Variants in GMDS observed in about 807,000 individuals in gnomAD.
GMDS encodes GDP-mannose 4,6 dehydratase.
Under a neutral mutation model 49.9 loss-of-function variants are expected in GMDS, and 20 were observed. That is an observed-to-expected ratio of 0.40 (90% CI 0.28 to 0.58). The LOEUF (loss-of-function observed/expected upper bound fraction) is 0.58. Among genes scored for constraint, GMDS ranks in the 20% least tolerant of loss-of-function variants. The pLI is 0.42. For missense variants in GMDS, 362 were observed against 481.4 expected (o/e 0.75, Z 2.32); for synonymous variants, 177 against 178.6 (o/e 0.99, Z 0.07).
rs559421562 is a variant in GMDS, at chr6:1,661,996, C to T, written c.988-37456G>A. ...GAAGGACCTGAGAACTAGATGAAAT[C>T]CTACAGCAGGAGCACCGGGAGTCAC... On this transcript the variant is annotated intron_variant, in intron 9 of 10. Transcript: ENST00000380815. 3.3e-5 allele frequency among the ~76,000 whole-genome samples: 5 copies of T among 152,260 alleles called. No individual in the cohort carries two copies. In the East Asian group the frequency reaches 9.6e-4, roughly 29 times the overall value.
chr6:2,013,712 C>A (rs1484276218), intron 4 of GMDS, among the ~76,000 whole-genome samples: 1 of 151,796 alleles, frequency 6.6e-6, no homozygotes, highest in Non-Finnish European at 1.5e-5. Flanking sequence ...TCAATAGATG[C>A]ATCGCAAACT....
intron 1 of GMDS, among the ~76,000 whole-genome samples, chr6:2,237,899 T>C (rs1361966060): frequency 6.6e-6 from 1 of 152,170 alleles, no homozygotes; most frequent in South Asian, 2.1e-4. Flanking sequence ...AACTGAAATA[T>C]ACTAAGAATA....
At chr6:2,118,945 A>C (rs2127502605) in intron 2 of GMDS, among the ~76,000 whole-genome samples, 1 of 152,278 alleles carries the variant, frequency 6.6e-6, no homozygotes, top group East Asian at 1.9e-4. Flanking sequence ...GTAAAGTTGA[A>C]CTGCTCTATA....
intron 4 of GMDS, among the ~76,000 whole-genome samples, chr6:2,065,966 T>C (rs139590791): frequency 2.6e-4 from 40 of 152,182 alleles, no homozygotes; most frequent in African/African-American, 8.9e-4. Flanking sequence ...AGACACATAA[T>C]TGTCAGATTC....
chr6:2,052,116 C>CAAAAAAA (rs1285013159), intron 4 of GMDS, among the ~76,000 whole-genome samples: 674 of 43,490 alleles, frequency 0.015, 41 homozygotes, highest in Non-Finnish European at 0.025. Context: ...GACTCTGTCT[C>CAAAAAAA]AAAAAAAAAA....
At chr6:1,985,853 T>G (rs939154142) in intron 4 of GMDS, among the ~76,000 whole-genome samples, 16 of 152,198 alleles carry the variant, frequency 1.1e-4, no homozygotes, top group African/African-American at 3.9e-4. Flanking sequence ...AACTGAAAGG[T>G]GGCAGAAGTT....
At chr6:2,029,358 C>A (rs180993703) in intron 4 of GMDS, among the ~76,000 whole-genome samples, 5 of 152,312 alleles carry the variant, frequency 3.3e-5, no homozygotes, top group Non-Finnish European at 7.4e-5. Flanking sequence ...TGCCCTGTCT[C>A]TGACTCCCCT....
rs140673527 is a variant in GMDS at position 1,828,031 on chromosome 6, G to A, written c.772-85445C>T. Among the ~76,000 whole-genome samples the A allele has an allele frequency of 4.0e-3, 609 of 151,792 alleles. 2 individuals carry two copies. Among genetic ancestry groups the A allele is most frequent in the Middle Eastern group, 0.01 (3 of 294 alleles). On this transcript the variant is annotated intron_variant, in intron 7 of 10. Coordinates refer to ENST00000380815, the MANE Select transcript of GMDS (RefSeq NM_001500.4). ...ATCTTTAAGGTAATCAAAGATCTAGGGTAAGTCATGGACAAAGACAGGAAA... is the reference window on the plus strand; with the variant it reads ...ATCTTTAAGGTAATCAAAGATCTAGAGTAAGTCATGGACAAAGACAGGAAA...
At chr6:1,901,241 G>T (rs1581329847) in intron 7 of GMDS, among the ~76,000 whole-genome samples, 1 of 152,168 alleles carries the variant, frequency 6.6e-6, no homozygotes, top group Non-Finnish European at 1.5e-5. Flanking sequence ...TGCTAATTAC[G>T]ATACGTTTCT....
chr6:2,039,832 C>G (rs1336262220), intron 4 of GMDS, among the ~76,000 whole-genome samples: 1 of 152,044 alleles, frequency 6.6e-6, no homozygotes, highest in African/African-American at 2.4e-5. Flanking sequence ...GAAGCACAGT[C>G]TAAAATAATG....
At chr6:2,096,349 C>T (rs1773603866) in intron 4 of GMDS, among the ~76,000 whole-genome samples, 2 of 152,012 alleles carry the variant, frequency 1.3e-5, no homozygotes, top group African/African-American at 2.4e-5. Flanking sequence ...TTATGATTTC[C>T]AAGTAAAAAC....
chr6:2,060,352 A>G (rs1489996848), intron 4 of GMDS, among the ~76,000 whole-genome samples: 1 of 152,252 alleles, frequency 6.6e-6, no homozygotes, highest in Non-Finnish European at 1.5e-5. Flanking sequence ...CAGGAAGCAC[A>G]GCTTGAATAT....
chr6:1,698,787 C>CTTTTT (rs10641587), intron 9 of GMDS, among the ~76,000 whole-genome samples: 1 of 133,076 alleles, frequency 7.5e-6, no homozygotes, highest in African/African-American at 2.8e-5. Flanking sequence ...CCTGGTTTCC[C>CTTTTT]TTTTTTTTTT....
chr6:2,040,210 G>A (rs1027449512), intron 4 of GMDS, among the ~76,000 whole-genome samples: 1 of 152,194 alleles, frequency 6.6e-6, no homozygotes, highest in Non-Finnish European at 1.5e-5. Context: ...AAGGGGGAGT[G>A]GCAAAGGGCA....
In GMDS at chr6:2,067,471, C is replaced by T. The variant is rs1045792506; in HGVS notation, c.345+48300G>A. 3.0e-4 allele frequency among the ~76,000 whole-genome samples: 45 copies of T among 152,032 alleles called. 1 individual carries two copies. The highest frequency in any genetic ancestry group is 1.2e-3 in the Admixed American group (18 of 15,286). On this transcript the variant is annotated intron_variant, in intron 4 of 10. Coordinates refer to ENST00000380815, the MANE Select transcript of GMDS (RefSeq NM_001500.4). Reference sequence around the variant, plus strand: ...AAACCCTTCAAAAAATTAATGAATCCAGGAGCTGCTTTTTTGAAAGGATCA... The same window carrying T: ...AAACCCTTCAAAAAATTAATGAATCTAGGAGCTGCTTTTTTGAAAGGATCA...
intron 1 of GMDS, among the ~76,000 whole-genome samples, chr6:2,241,960 C>A (rs545280116): frequency 1.4e-4 from 21 of 152,192 alleles, no homozygotes; most frequent in African/African-American, 5.1e-4. Context: ...AAAAGTAAGT[C>A]AACAGTTTTG....
chr6:2,086,050 G>C (rs1772994729), intron 4 of GMDS, among the ~76,000 whole-genome samples: 1 of 152,158 alleles, frequency 6.6e-6, no homozygotes, highest in African/African-American at 2.4e-5. Context: ...CACAGGTGAG[G>C]AAACAATGGT....
intron 7 of GMDS, among the ~76,000 whole-genome samples, chr6:1,879,825 G>A (rs141541271): frequency 6.6e-6 from 1 of 152,022 alleles, no homozygotes; most frequent in African/African-American, 2.4e-5. Flanking sequence ...TCGTGTATGA[G>A]ACCTCAGAGA....
chr6:2,044,382 T>A (rs1769869328), intron 4 of GMDS, among the ~76,000 whole-genome samples: 2 of 152,044 alleles, frequency 1.3e-5, no homozygotes, highest in African/African-American at 4.8e-5. Flanking sequence ...TATGCAGCCG[T>A]AAAAAAGAAC....
Sources: allele counts gnomAD v4.1 joint callset (sites outside exome capture counted in the v4.1 genomes callset), GRCh38; gene constraint gnomAD v4.1.1; transcripts MANE v1.5; gene names NCBI Gene and HGNC (gene_info 2026-07-23, HGNC 2026-07-21).